DDX60: variants seen among roughly 807,000 people sequenced by gnomAD.
DDX60 encodes the protein probable ATP-dependent RNA helicase DDX60.
DDX60 carries 165 observed loss-of-function variants against 212.8 expected under a neutral mutation model. That is an observed-to-expected ratio of 0.78 (90% CI 0.68 to 0.88). DDX60 has a LOEUF of 0.88. DDX60 is among the 40% of genes least tolerant of loss of function. The pLI, the probability that DDX60 is intolerant of heterozygous loss-of-function variation, is 0.00. For synonymous variants in DDX60, 703 were observed against 685.3 expected (o/e 1.03, Z -0.40); for missense variants, 1,905 against 2,003.9 (o/e 0.95, Z 0.94).
intron 33 of DDX60, among the ~76,000 whole-genome samples, chr4:168,231,617 T>C (rs1048448570): frequency 6.6e-6 from 1 of 151,960 alleles, no homozygotes; most frequent in Non-Finnish European, 1.5e-5. Flanking sequence ...CAAAAATCAC[T>C]GATCATCTAA....
At chr4:168,285,617 T>C in intron 10 of DDX60, 119 bp from the exon 11 acceptor site, 1 of 649,038 alleles carries the variant, frequency 1.5e-6, no homozygotes, top group Non-Finnish European at 2.6e-6. Context: ...CTTATTTACA[T>C]ATATCAAGTT....
intron 35 of DDX60, among the ~76,000 whole-genome samples, chr4:168,223,203 G>A (rs1041236991): frequency 6.6e-6 from 1 of 151,936 alleles, no homozygotes; most frequent in African/African-American, 2.4e-5. Context: ...CTTAGTACAT[G>A]GTGTTCATTT....
In DDX60 at chr4:168,260,927, G is replaced by T; in HGVS notation, c.3336C>A (p.Thr1112=). 1 of 1,612,440 alleles carries T rather than the reference G, an allele frequency of 6.2e-7. No homozygotes were observed. The highest frequency in any genetic ancestry group is 8.5e-7 in the Non-Finnish European group (1 of 1,178,654). Reference sequence around the variant, plus strand: ...GTTTTTCAACTAGAAGTGGAAACATGGTGATCATGTTTTCTGGACTCAAAT... The same window carrying T: ...GTTTTTCAACTAGAAGTGGAAACATTGTGATCATGTTTTCTGGACTCAAAT... ...EADLSPENMI[T]MFPLLVEKLR... The change falls in exon 25 of 38, where the codon ACC becomes ACA. Residue 1112 remains threonine (T), a synonymous_variant. Coordinates refer to ENST00000393743, the MANE Select transcript of DDX60 (RefSeq NM_017631.6).
chr4:168,296,972 G>A (rs956487510), intron 6 of DDX60, among the ~76,000 whole-genome samples: 3 of 150,098 alleles, frequency 2.0e-5, no homozygotes, highest in African/African-American at 4.9e-5. Flanking sequence ...TCCTGGGTTC[G>A]GCAATCTCAG....
At chr4:168,312,727 CAGAT>C (rs61439775) in intron 1 of DDX60, among the ~76,000 whole-genome samples, 14 of 150,060 alleles carry the variant, frequency 9.3e-5, no homozygotes, top group East Asian at 2.0e-4. Context: ...GATGGATACA[CAGAT>C]AGATAGATAG....
In DDX60 at chr4:168,280,384, C is replaced by G. The variant is rs754282914; in HGVS notation, c.1929G>C (p.Gly643=). 4 of 1,613,990 alleles carry G rather than the reference C, an allele frequency of 2.5e-6. No individual in the cohort carries two copies. The South Asian group carries it at 4.4e-5, about 18-fold the overall frequency. The change falls in exon 14 of 38, where the codon GGG becomes GGC. Residue 643 remains glycine (G), a synonymous_variant. Transcript: ENST00000393743. The stretch of plus-strand genomic sequence containing the variant: ...TCCAGGCTTTCAAGCAAGCAGTTAA[C>G]CCCACCATTTCAACCTGAAGTTTCA... ...SCVKLQVEMV[G]LTACLKAWKE...
intron 33 of DDX60, among the ~76,000 whole-genome samples, chr4:168,231,055 A>G (rs1733433697): frequency 6.6e-6 from 1 of 152,024 alleles, no homozygotes; most frequent in African/African-American, 2.4e-5. Context: ...AAAAAAAATT[A>G]TTCAAGGCTA....
At chr4:168,233,411 A>G (rs907417938) in intron 33 of DDX60, among the ~76,000 whole-genome samples, 2 of 152,120 alleles carry the variant, frequency 1.3e-5, no homozygotes, top group Non-Finnish European at 2.9e-5. Context: ...TTGGACATGC[A>G]TGTTTACAGC....
intron 19 of DDX60, among the ~76,000 whole-genome samples, chr4:168,270,281 G>C (rs1431404581): frequency 6.6e-6 from 1 of 152,170 alleles, no homozygotes; most frequent in Non-Finnish European, 1.5e-5. Flanking sequence ...CTTCATTTAA[G>C]AGATTAAAGT....
intron 6 of DDX60, among the ~76,000 whole-genome samples, chr4:168,301,501 G>A (rs1328392333): frequency 6.6e-6 from 1 of 152,038 alleles, no homozygotes; most frequent in Non-Finnish European, 1.5e-5. Flanking sequence ...GTTCAAACCT[G>A]GAACATTTTG....
chr4:168,238,157 A>G (rs1393262853), intron 30 of DDX60, among the ~76,000 whole-genome samples: 1 of 148,550 alleles, frequency 6.7e-6, no homozygotes, highest in Non-Finnish European at 1.5e-5. Context: ...TGTTATAAAA[A>G]TATTGCTTGT....
In DDX60 at chr4:168,307,986, G is replaced by T; in HGVS notation, c.264+20C>A. 1.4e-6 allele frequency: 2 copies of T among 1,478,368 alleles called. No homozygotes were observed. The highest frequency in any genetic ancestry group is 1.8e-6 in the Non-Finnish European group (2 of 1,116,844). The allele number at this position is 1,478,368 out of a possible 1,614,324, so 91.6% of individuals were successfully genotyped here. ...GTTTTAGTTCTCATATTATAAAAAA[G>T]AACTCAACTATCATGTTACCTTGAA... On this transcript the variant is annotated intron_variant, in intron 4 of 37. Transcript: ENST00000393743.
At chr4:168,309,004 C>T (rs901361701) in intron 3 of DDX60, among the ~76,000 whole-genome samples, 1 of 152,100 alleles carries the variant, frequency 6.6e-6, no homozygotes, top group African/African-American at 2.4e-5. Context: ...ATAGACTACA[C>T]ATGGCAGCTT....
intron 33 of DDX60, 106 bp from the exon 34 acceptor site, chr4:168,225,782 A>G (rs1733232588): frequency 1.0e-6 from 1 of 974,840 alleles, no homozygotes; most frequent in African/African-American, 1.7e-5. Context: ...TTCTATAGTT[A>G]TCTATTAATA....
intron 30 of DDX60, among the ~76,000 whole-genome samples, chr4:168,243,428 C>T (rs1237892908): frequency 6.6e-6 from 1 of 151,842 alleles, no homozygotes; most frequent in African/African-American, 2.4e-5. Context: ...AACAAACAAC[C>T]CATTAAATAG....
intron 13 of DDX60, 78 bp from the exon 14 acceptor site, chr4:168,280,668 A>G: frequency 6.9e-7 from 1 of 1,459,538 alleles, no homozygotes. Context: ...AGACAATATT[A>G]TGGGTGTATT....
At chr4:168,305,956 G>A (rs968562336) in intron 5 of DDX60, among the ~76,000 whole-genome samples, 1 of 151,970 alleles carries the variant, frequency 6.6e-6, no homozygotes, top group Non-Finnish European at 1.5e-5. Flanking sequence ...TGCATTTCTG[G>A]CCTTCAATAC....
chr4:168,314,616 C>T (rs1737285062), intron 1 of DDX60, among the ~76,000 whole-genome samples: 1 of 152,076 alleles, frequency 6.6e-6, no homozygotes, highest in Admixed American at 6.5e-5. Context: ...AATTTTTAGT[C>T]AGTGATCTGT....
chr4:168,232,918 A>C (rs1265011861), intron 33 of DDX60, among the ~76,000 whole-genome samples: 1 of 152,146 alleles, frequency 6.6e-6, no homozygotes, highest in Non-Finnish European at 1.5e-5. Context: ...CAGAGTAAAC[A>C]GACAGCCCAC....
Sources: gnomAD v4.1 joint callset for allele counts (sites outside exome capture counted in the v4.1 genomes callset) on GRCh38, gnomAD v4.1.1 for gene constraint, MANE v1.5 for transcripts, NCBI Gene and HGNC (gene_info 2026-07-23, HGNC 2026-07-21) for gene names.